The following MACROD2 variants were observed in gnomAD, a reference collection of about 807,000 sequenced individuals.
The protein encoded by MACROD2 is ADP-ribose glycohydrolase MACROD2.
A neutral mutation model predicts 70.4 loss-of-function variants in MACROD2; 36 were observed. That is an observed-to-expected ratio of 0.51 (90% CI 0.39 to 0.68). The LOEUF is 0.68. Ranked by LOEUF, MACROD2 falls within the 30% of genes least tolerant of loss-of-function variation. MACROD2 has a pLI of 0.00. For missense variants in MACROD2, 496 were observed against 538.4 expected (o/e 0.92, Z 0.78); for synonymous variants, 172 against 178.8 (o/e 0.96, Z 0.30).
At chr20:15,378,148 TAAAAG>T (rs1268892695) in intron 6 of MACROD2, among the ~76,000 whole-genome samples, 15 of 139,180 alleles carry the variant, frequency 1.1e-4, no homozygotes, top group East Asian at 6.1e-4. Flanking sequence ...AAGAAAAAAA[TAAAAG>T]AAGAGAGAGA....
At chr20:14,002,923 T>C (rs1317529791) in intron 2 of MACROD2, among the ~76,000 whole-genome samples, 1 of 152,234 alleles carries the variant, frequency 6.6e-6, no homozygotes, top group East Asian at 1.9e-4. Context: ...TCTCAAAGTC[T>C]TTATGATTTG....
intron 8 of MACROD2, among the ~76,000 whole-genome samples, chr20:15,718,899 A>G (rs1016815020): frequency 6.6e-6 from 1 of 152,156 alleles, no homozygotes; most frequent in Admixed American, 6.5e-5. Context: ...TTTGGATGTT[A>G]AGATGGTGGT....
rs146835813 is a variant in MACROD2 at position 14,628,086 on chromosome 20, G to C, written c.302-56757G>C. Among the ~76,000 whole-genome samples, 790 of 152,290 alleles carry C rather than the reference G, an allele frequency of 5.2e-3. 8 individuals carry two copies. The highest frequency in any genetic ancestry group is 0.018 in the African/African-American group (739 of 41,560). ...AGATAAGTAGGAAATAGGTAGGTAA[G>C]GAATGGAATATGTTCAGAGTGGGAA... On this transcript the variant is annotated intron_variant, in intron 4 of 17. Coordinates refer to ENST00000684519, the MANE Select transcript of MACROD2 (RefSeq NM_001351661.2).
chr20:14,318,875 T>C (rs1045397124), intron 3 of MACROD2, among the ~76,000 whole-genome samples: 2 of 152,186 alleles, frequency 1.3e-5, no homozygotes, highest in Admixed American at 1.3e-4. Context: ...CAATTTCCCA[T>C]GTGATTGGCA....
intron 5 of MACROD2, among the ~76,000 whole-genome samples, chr20:14,770,919 A>G (rs1208849036): frequency 6.6e-6 from 1 of 152,004 alleles, no homozygotes; most frequent in African/African-American, 2.4e-5. Context: ...AGATGTTATG[A>G]TGGTTAATTT....
chr20:15,355,507 A>G (rs1171900324), intron 6 of MACROD2, among the ~76,000 whole-genome samples: 1 of 152,124 alleles, frequency 6.6e-6, no homozygotes, highest in African/African-American at 2.4e-5. Flanking sequence ...GCTCCAATGA[A>G]CCTTAGTGTC....
At chr20:15,197,047 C>T in intron 5 of MACROD2, 2 of 985,082 alleles carry the variant, frequency 2.0e-6, no homozygotes, top group Non-Finnish European at 1.2e-6. Flanking sequence ...GTATTTTGCT[C>T]ACTCTTATAA....
In MACROD2 at chr20:14,167,090, G is replaced by T. The variant is rs551491654; in HGVS notation, c.271+81362G>T. On this transcript the variant is annotated intron_variant, in intron 3 of 17. Transcript: ENST00000684519. Reference sequence around the variant, plus strand: ...ACTCTTTAACATGTCTTGATTTTCTGTTTTTTTTCTCATGTCCCTTTTTTA... The same window carrying T: ...ACTCTTTAACATGTCTTGATTTTCTTTTTTTTTTCTCATGTCCCTTTTTTA... Among the ~76,000 whole-genome samples the T allele has an allele frequency of 1.2e-4, 18 of 151,642 alleles. No individual in the cohort carries two copies. The South Asian group carries it at 3.5e-3, about 30-fold the overall frequency.
chr20:15,462,843 A>G (rs1035173197), intron 7 of MACROD2, among the ~76,000 whole-genome samples: 4 of 152,208 alleles, frequency 2.6e-5, no homozygotes, highest in Admixed American at 1.3e-4. Context: ...GTTGACATTA[A>G]TAGACCATGC....
chr20:15,142,286 T>C (rs956950973), intron 5 of MACROD2, among the ~76,000 whole-genome samples: 6 of 152,134 alleles, frequency 3.9e-5, no homozygotes, highest in African/African-American at 1.4e-4. Flanking sequence ...AAAGACTCCT[T>C]GTTGAGGATC....
intron 8 of MACROD2, among the ~76,000 whole-genome samples, chr20:15,693,854 TC>T (rs1339943876): frequency 9.2e-5 from 14 of 151,900 alleles, no homozygotes; most frequent in African/African-American, 2.9e-4. Context: ...AGTCTTTTAA[TC>T]CCTTGCCCCC....
chr20:14,339,311 T>C (rs1389712447), intron 3 of MACROD2, among the ~76,000 whole-genome samples: 4 of 152,170 alleles, frequency 2.6e-5, no homozygotes, highest in African/African-American at 9.7e-5. Context: ...AAAAGCCAAT[T>C]TCTTTGAACT....
chr20:14,692,058 TAAG>T lies in MACROD2; in HGVS notation c.418+7103_418+7105del, dbSNP rs1391052765. ...GTGATCCTCATGATGAATGTGGAAA[TAAG>T]AAGGGCAGAAATATTCTAAAAACCA... On this transcript the variant is annotated intron_variant, in intron 5 of 17. Transcript: ENST00000684519. Among the ~76,000 whole-genome samples, 4 of 152,290 alleles carry T rather than the reference TAAG, an allele frequency of 2.6e-5. No individual in the cohort carries two copies. In the East Asian group the frequency reaches 7.7e-4, roughly 29 times the overall value.
At chr20:15,531,335 C>T (rs187085996) in intron 8 of MACROD2, among the ~76,000 whole-genome samples, 218 of 151,576 alleles carry the variant, frequency 1.4e-3, no homozygotes, top group Non-Finnish European at 2.1e-3. Flanking sequence ...AAAATATAAA[C>T]ATGTATTATT....
intron 3 of MACROD2, among the ~76,000 whole-genome samples, chr20:14,198,914 A>G (rs1389580465): frequency 6.6e-6 from 1 of 152,184 alleles, no homozygotes; most frequent in Non-Finnish European, 1.5e-5. Flanking sequence ...TAAAGCTAAA[A>G]GATTTCTTTT....
intron 8 of MACROD2, among the ~76,000 whole-genome samples, chr20:15,677,682 ACCAACCAACCAACCAACCAACC>A: frequency 5.5e-5 from 1 of 18,300 alleles, no homozygotes; most frequent in Non-Finnish European, 1.3e-4. Context: ...CAACCAACCA[ACCAACCAACCAACCAACCAACC>A]AAATACATCC....
At chr20:15,723,178 A>G (rs1487101181) in intron 8 of MACROD2, among the ~76,000 whole-genome samples, 1 of 152,180 alleles carries the variant, frequency 6.6e-6, no homozygotes, top group Admixed American at 6.6e-5. Context: ...AGGAAGGCAC[A>G]GAGATTTCTT....
At chr20:14,225,571 T>C (rs182033280) in intron 3 of MACROD2, among the ~76,000 whole-genome samples, 246 of 152,360 alleles carry the variant, frequency 1.6e-3, no homozygotes, top group Non-Finnish European at 2.1e-3. Context: ...ACTTGAAATC[T>C]TCAGATCAAT....
intron 5 of MACROD2, among the ~76,000 whole-genome samples, chr20:14,750,268 A>G (rs1005842157): frequency 1.3e-5 from 2 of 152,242 alleles, no homozygotes; most frequent in Non-Finnish European, 2.9e-5. Context: ...GAAACACTAT[A>G]AAATTATAGA....
Sources: gnomAD v4.1 joint callset for allele counts (sites outside exome capture counted in the v4.1 genomes callset) on GRCh38, gnomAD v4.1.1 for gene constraint, MANE v1.5 for transcripts, NCBI Gene and HGNC (gene_info 2026-07-23, HGNC 2026-07-21) for gene names.